The following KCNG2 variants were observed in gnomAD, a reference collection of about 807,000 sequenced individuals.
The protein encoded by KCNG2 is voltage-gated potassium channel regulatory subunit KCNG2.
A neutral mutation model predicts 12.3 loss-of-function variants in KCNG2; 7 were observed. That is an observed-to-expected ratio of 0.57 (90% CI 0.32 to 1.07). The LOEUF (loss-of-function observed/expected upper bound fraction) is 1.07, where lower values mean the gene tolerates loss of function less well. Among genes scored for constraint, KCNG2 ranks in the 50% least tolerant of loss-of-function variants. The probability of loss-of-function intolerance (pLI) is 0.04; values close to 1 mark genes in which losing one functional copy is unlikely to be tolerated. For missense variants in KCNG2, 703 were observed against 726.0 expected, an observed-to-expected ratio of 0.97 and a Z score of 0.36; for synonymous variants, 414 against 351.4, an observed-to-expected ratio of 1.18 and a Z score of -1.99.
chr18:79,883,759 G>A (rs574861699), intron 3 of KCNG2, among the ~76,000 whole-genome samples: 1 of 152,354 alleles, frequency 6.6e-6, no homozygotes, highest in African/African-American at 2.4e-5. Flanking sequence ...TCCACTTCCA[G>A]GTACCCTGGG....
intron 1 of KCNG2, among the ~76,000 whole-genome samples, chr18:79,828,588 C>T (rs919334758): frequency 6.7e-6 from 1 of 149,010 alleles, no homozygotes; most frequent in Admixed American, 6.7e-5. Context: ...CATGTGTCTG[C>T]ATGTGGGTGT....
intron 3 of KCNG2, among the ~76,000 whole-genome samples, chr18:79,868,020 C>T (rs762673105): frequency 9.8e-5 from 15 of 152,320 alleles, no homozygotes; most frequent in Non-Finnish European, 1.9e-4. Flanking sequence ...CTGCCTTCCC[C>T]CGTCGTCCCC....
chr18:79,868,456 C>T (rs147390569), intron 3 of KCNG2, among the ~76,000 whole-genome samples: 4 of 152,206 alleles, frequency 2.6e-5, no homozygotes, highest in Non-Finnish European at 5.9e-5. Context: ...CGTGTCCGAG[C>T]GTTGCAGCTG....
chr18:79,893,767 G>A (rs987244188), intron 3 of KCNG2, among the ~76,000 whole-genome samples: 24 of 151,902 alleles, frequency 1.6e-4, no homozygotes, highest in Admixed American at 5.2e-4. Flanking sequence ...GCTTTTGATT[G>A]GGTTGTTCCC....
At chr18:79,848,570 C>T (rs1239385272) in intron 1 of KCNG2, among the ~76,000 whole-genome samples, 1 of 152,218 alleles carries the variant, frequency 6.6e-6, no homozygotes, top group Non-Finnish European at 1.5e-5. Context: ...GCGAAAAGAC[C>T]CTGTTTCCCC....
At position 79,800,767 on chromosome 18, in the gene KCNG2, G is replaced by T. The variant is rs570097252; in HGVS notation, c.-115+2753G>T. The stretch of plus-strand genomic sequence containing the variant: ...TGGCGTGTCCTGCGGGCACCCGCAG[G>T]CTCTGCTCACCCACCGGCTGGTTTG... On this transcript the variant is annotated intron_variant, in intron 1 of 3. Transcript: ENST00000316249. The surrounding 1 kb of genome is among the most constrained non-coding windows in gnomAD (Gnocchi z 4.0). Among the ~76,000 whole-genome samples the T allele has an allele frequency of 1.7e-3, 261 of 152,342 alleles. 2 individuals carry two copies. The highest frequency in any genetic ancestry group is 6.8e-3 in the Middle Eastern group (2 of 294).
At chr18:79,826,497 A>G (rs1213752592) in intron 1 of KCNG2, among the ~76,000 whole-genome samples, 2 of 148,970 alleles carry the variant, frequency 1.3e-5, no homozygotes, top group African/African-American at 2.5e-5. Flanking sequence ...GCAGCTCCTC[A>G]CGGAAGGTTA....
intron 3 of KCNG2, among the ~76,000 whole-genome samples, chr18:79,896,453 A>C (rs1980979043): frequency 6.6e-6 from 1 of 152,202 alleles, no homozygotes; most frequent in South Asian, 2.1e-4. Flanking sequence ...ACACATTGTT[A>C]CAATTGTTGC....
In KCNG2 at chr18:79,807,808, G is replaced by A. The variant is rs988003373; in HGVS notation, c.-115+9794G>A. Among the ~76,000 whole-genome samples, 231 of 142,442 alleles carry A rather than the reference G, an allele frequency of 1.6e-3. 1 individual carries two copies. The highest frequency in any genetic ancestry group is 5.8e-3 in the African/African-American group (215 of 37,138). 93.4% of individuals were successfully genotyped at this position (142,442 alleles called of 152,430 possible). A position where few individuals can be genotyped will look rare whatever the true frequency, so the allele number is the denominator to read the frequency against. ...CCGCGCTGACCACACTCCACGTTAT[G>A]GGCCCAGAGTCCGCGCTCTGAGGAG... On this transcript the variant is annotated intron_variant, in intron 1 of 3. Transcript: ENST00000316249.
chr18:79,861,278 T>C (rs1381928292), intron 2 of KCNG2, among the ~76,000 whole-genome samples: 46 of 114,252 alleles, frequency 4.0e-4, no homozygotes, highest in Non-Finnish European at 6.9e-4. Flanking sequence ...TCTCTCTTTT[T>C]TTTTTTTTTT....
chr18:79,817,270 G>A (rs2087536697), intron 1 of KCNG2, among the ~76,000 whole-genome samples: 1 of 151,498 alleles, frequency 6.6e-6, no homozygotes, highest in African/African-American at 2.4e-5. Context: ...CTGTCATACA[G>A]CTGTCACACG....
intron 1 of KCNG2, among the ~76,000 whole-genome samples, chr18:79,831,566 GAGCCTTCGTCAGGAGCGTGCCCTGCGT>G (rs1488310700): frequency 4.4e-5 from 6 of 137,878 alleles, no homozygotes; most frequent in African/African-American, 1.0e-4. Flanking sequence ...CCTGCGTACA[GAGCCTTCGTCAGGAGCGTGCCCTGCGT>G]ACAGAGCCTT....
Position 79,899,691 on chromosome 18 carries a change from G to T in KCNG2, c.1276G>T (p.Glu426Ter), listed in dbSNP as rs754867366. 1 of 1,607,754 alleles carries T rather than the reference G, an allele frequency of 6.2e-7. No homozygotes were observed. The highest frequency in any genetic ancestry group is 8.5e-7 in the Non-Finnish European group (1 of 1,178,140). ...GCAGCAGCAGCGCGCGGCCAGCCCC[G>T]AGCCGGCCCTGCAGGAGGACAGCAC... is the stretch of plus-strand genomic sequence containing the variant. The part of the protein sequence containing the change: ...KEQQQRAASP[E>*]PALQEDSTHS... Residue 426 changes from glutamate (E) to a stop codon, truncating the protein, a stop_gained, in exon 4 of 4, where the codon GAG becomes TAG. Coordinates refer to ENST00000316249, the MANE Select transcript of KCNG2 (RefSeq NM_012283.2). LOFTEE classifies it low-confidence loss of function (END_TRUNC).
At chr18:79,845,812 C>T (rs992788386) in intron 1 of KCNG2, among the ~76,000 whole-genome samples, 9 of 152,170 alleles carry the variant, frequency 5.9e-5, no homozygotes, top group African/African-American at 1.2e-4. Context: ...AGTGGCTGGG[C>T]GCAGTGGCTC....
At position 79,803,850 on chromosome 18, in the gene KCNG2, G is replaced by A. The variant is rs1364416162; in HGVS notation, c.-115+5836G>A. ...AGTTTCTCCTCACTGTGATGGCCCC[G>A]GGGCCATGCTGAGGCCTCCGTGTTG... On this transcript the variant is annotated intron_variant, in intron 1 of 3. Transcript: ENST00000316249. The surrounding 1 kb of genome is among the most constrained non-coding windows in gnomAD (Gnocchi z 4.5). 2.6e-5 allele frequency among the ~76,000 whole-genome samples: 4 copies of A among 152,198 alleles called. No individual in the cohort carries two copies. The highest frequency in any genetic ancestry group is 4.8e-5 in the African/African-American group (2 of 41,456).
chr18:79,889,789 G>A (rs767386856), intron 3 of KCNG2, among the ~76,000 whole-genome samples: 14 of 152,218 alleles, frequency 9.2e-5, no homozygotes, highest in Non-Finnish European at 1.9e-4. Flanking sequence ...TGGAAGTGAC[G>A]AGAACAGACG....
At chr18:79,862,467 C>T (rs62103175) in intron 2 of KCNG2, among the ~76,000 whole-genome samples, 16,099 of 152,242 alleles carry the variant, frequency 0.11, 992 homozygotes, top group Middle Eastern at 0.17. Context: ...CAACCTTCAG[C>T]ACTCATCCAG....
chr18:79,840,662 G>T (rs748758618), intron 1 of KCNG2, among the ~76,000 whole-genome samples: 41 of 152,114 alleles, frequency 2.7e-4, no homozygotes, highest in Non-Finnish European at 4.9e-4. Context: ...AATAAAGTGG[G>T]GAAAATCCAT....
intron 1 of KCNG2, among the ~76,000 whole-genome samples, chr18:79,854,828 TC>T (rs1978955507): frequency 6.6e-6 from 1 of 152,188 alleles, no homozygotes; most frequent in South Asian, 2.1e-4. Flanking sequence ...GGCTTATTCT[TC>T]TGAGCTTCCT....
Sources: gnomAD v4.1 joint callset for allele counts (sites outside exome capture counted in the v4.1 genomes callset) on GRCh38, gnomAD v4.1.1 for gene constraint, Gnocchi (gnomAD v3.1) non-coding constraint, MANE v1.5 for transcripts, NCBI Gene and HGNC (gene_info 2026-07-23, HGNC 2026-07-21) for gene names.